The following TUSC3 variants were observed in gnomAD, a reference collection of about 807,000 sequenced individuals.
TUSC3 encodes the protein dolichyl-diphosphooligosaccharide--protein glycosyltransferase subunit TUSC3.
Under a neutral mutation model 44.8 loss-of-function variants are expected in TUSC3, and 45 were observed. That is an observed-to-expected ratio of 1.00 (90% CI 0.79 to 1.29). TUSC3 has a LOEUF of 1.29. Ranked by LOEUF, TUSC3 falls within the 50% of genes most tolerant of loss-of-function variation. The pLI is 0.00. For missense variants in TUSC3, 519 were observed against 437.9 expected, an observed-to-expected ratio of 1.19 and a Z score of -1.65; for synonymous variants, 212 against 152.9, an observed-to-expected ratio of 1.39 and a Z score of -2.85.
the TUSC3 span, among the ~76,000 whole-genome samples, chr8:15,776,446 T>G: frequency 6.6e-6 from 1 of 152,258 alleles, no homozygotes; most frequent in Admixed American, 6.5e-5. Flanking sequence ...TTTACAGTAC[T>G]TGACATGTCA....
chr8:15,785,014 T>A, the TUSC3 span, among the ~76,000 whole-genome samples: 2 of 151,668 alleles, frequency 1.3e-5, no homozygotes, highest in Admixed American at 6.6e-5. Context: ...CTAATATATA[T>A]ATATATATAC....
At chr8:15,657,974 A>G (rs1489746765) in intron 3 of TUSC3, among the ~76,000 whole-genome samples, 2 of 152,324 alleles carry the variant, frequency 1.3e-5, no homozygotes, top group East Asian at 3.9e-4. Flanking sequence ...GAGAGAATCA[A>G]GAGCAGGCTC....
At chr8:15,680,604 C>CA (rs771795749) in intron 6 of TUSC3, among the ~76,000 whole-genome samples, 41 of 152,164 alleles carry the variant, frequency 2.7e-4, no homozygotes, top group Admixed American at 3.9e-4. Context: ...TTGTTGCTCT[C>CA]ATGAAGACTT....
the TUSC3 span, among the ~76,000 whole-genome samples, chr8:15,832,906 G>C: frequency 6.6e-6 from 1 of 152,014 alleles, no homozygotes; most frequent in African/African-American, 2.4e-5. Flanking sequence ...ATCCCAGATT[G>C]GAACTCATCA....
At chr8:15,462,310 CAATAAT>C (rs1186834018) in intron 1 of TUSC3, among the ~76,000 whole-genome samples, 1 of 151,904 alleles carries the variant, frequency 6.6e-6, no homozygotes, top group Non-Finnish European at 1.5e-5. Context: ...TATTACAACT[CAATAAT>C]AAAGAAACAG....
chr8:15,822,596 G>T, the TUSC3 span, among the ~76,000 whole-genome samples: 1 of 152,126 alleles, frequency 6.6e-6, no homozygotes, highest in African/African-American at 2.4e-5. Context: ...AGGTGTGAAT[G>T]AAGATATAGA....
chr8:15,792,016 C>T, the TUSC3 span, among the ~76,000 whole-genome samples: 1 of 152,000 alleles, frequency 6.6e-6, no homozygotes, highest in Admixed American at 6.6e-5. Context: ...TAAAAAAAAG[C>T]CACAGACATG....
chr8:15,604,907 G>A (rs1804454348), intron 1 of TUSC3, among the ~76,000 whole-genome samples: 1 of 151,734 alleles, frequency 6.6e-6, no homozygotes, highest in South Asian at 2.1e-4. Context: ...TCTTGTATCT[G>A]TTTTTCTCTA....
At chr8:15,844,973 A>G in the TUSC3 span, among the ~76,000 whole-genome samples, 8 of 152,206 alleles carry the variant, frequency 5.3e-5, no homozygotes, top group Non-Finnish European at 1.0e-4. Context: ...TTTCAAAATA[A>G]TAAGAAAACT....
chr8:15,622,042 C>G (rs1442702129), intron 1 of TUSC3, among the ~76,000 whole-genome samples: 2 of 152,100 alleles, frequency 1.3e-5, no homozygotes, highest in Non-Finnish European at 2.9e-5. Flanking sequence ...TGCACCCAGT[C>G]TCTGTGAGCC....
At chr8:15,712,655 C>T (rs1315958768) in intron 6 of TUSC3, among the ~76,000 whole-genome samples, 1 of 152,028 alleles carries the variant, frequency 6.6e-6, no homozygotes, top group East Asian at 1.9e-4. Context: ...ATCCCCAATC[C>T]TTTTAAGCTT....
the TUSC3 span, among the ~76,000 whole-genome samples, chr8:15,809,561 T>C: frequency 6.6e-6 from 1 of 152,206 alleles, no homozygotes; most frequent in Non-Finnish European, 1.5e-5. Context: ...TATACATATA[T>C]ACTTAAAAGA....
chr8:15,726,516 T>C (rs979913576), intron 6 of TUSC3, among the ~76,000 whole-genome samples: 1 of 152,128 alleles, frequency 6.6e-6, no homozygotes, highest in Non-Finnish European at 1.5e-5. Context: ...CTATGAAATA[T>C]TCAATGGGGC....
chr8:15,849,086 G>C, the TUSC3 span, among the ~76,000 whole-genome samples: 3 of 152,074 alleles, frequency 2.0e-5, no homozygotes, highest in Non-Finnish European at 4.4e-5. Flanking sequence ...GAACTTTTCA[G>C]ATTTGTGTAA....
chr8:15,424,371 A>G (rs1270680477), intron 1 of TUSC3, among the ~76,000 whole-genome samples: 2 of 152,052 alleles, frequency 1.3e-5, no homozygotes, highest in East Asian at 3.9e-4. Flanking sequence ...GTATTTATCC[A>G]TCTCAAAATA....
intron 2 of TUSC3, among the ~76,000 whole-genome samples, chr8:15,512,893 A>G (rs970033985): frequency 2.5e-4 from 24 of 94,296 alleles, no homozygotes; most frequent in African/African-American, 9.9e-4. Flanking sequence ...TATACACACA[A>G]TTCTCTCGGT....
intron 1 of TUSC3, among the ~76,000 whole-genome samples, chr8:15,592,759 G>A (rs1334584715): frequency 1.3e-5 from 2 of 152,078 alleles, no homozygotes; most frequent in South Asian, 2.1e-4. Context: ...GACCAAAACA[G>A]TACTGTTCTG....
At chr8:15,494,745 C>T (rs114595779) in intron 2 of TUSC3, among the ~76,000 whole-genome samples, 2,896 of 152,278 alleles carry the variant, frequency 0.019, 98 homozygotes, top group African/African-American at 0.066. Context: ...ACGGACTTTT[C>T]TGGACTGTAT....
At chr8:15,655,650 C>CT (rs1161782451) in intron 3 of TUSC3, among the ~76,000 whole-genome samples, 1 of 152,204 alleles carries the variant, frequency 6.6e-6, no homozygotes, top group African/African-American at 2.4e-5. Context: ...GCCTCAGTCT[C>CT]TAACTCTGCT....
Sources: gnomAD v4.1 joint callset for allele counts (sites outside exome capture counted in the v4.1 genomes callset) on GRCh38, gnomAD v4.1.1 for gene constraint, MANE v1.5 for transcripts, NCBI Gene and HGNC (gene_info 2026-07-23, HGNC 2026-07-21) for gene names.